ARHGEF3: variants seen among roughly 807,000 people sequenced by gnomAD.
ARHGEF3 encodes Rho guanine nucleotide exchange factor 3, also known as 59.8 kDA protein.
In ARHGEF3, 28 loss-of-function variants were observed where a neutral mutation model predicts 63.2. The ratio of observed to expected loss-of-function variants is 0.44; its 90% CI spans 0.33 to 0.61. The LOEUF (loss-of-function observed/expected upper bound fraction) is 0.61, where lower values mean the gene tolerates loss of function less well. Ranked by LOEUF, ARHGEF3 falls within the 20% of genes least tolerant of loss-of-function variation. The probability of loss-of-function intolerance (pLI) is 0.03; values close to 1 mark genes in which losing one functional copy is unlikely to be tolerated. For missense variants in ARHGEF3, 533 were observed against 659.3 expected, an observed-to-expected ratio of 0.81 and a Z score of 2.10; for synonymous variants, 266 against 254.2, an observed-to-expected ratio of 1.05 and a Z score of -0.44.
At chr3:56,899,259 G>T (rs1055348317) in intron 3 of ARHGEF3, among the ~76,000 whole-genome samples, 3 of 152,236 alleles carry the variant, frequency 2.0e-5, no homozygotes, top group Non-Finnish European at 2.9e-5. Flanking sequence ...GGCATCTGAA[G>T]TGGCCTCGGC....
At chr3:56,890,264 A>G (rs1335441861) in intron 3 of ARHGEF3, among the ~76,000 whole-genome samples, 2 of 152,110 alleles carry the variant, frequency 1.3e-5, no homozygotes, top group Non-Finnish European at 1.5e-5. Flanking sequence ...CACTCAACAA[A>G]TATTTACTGA....
At chr3:56,934,637 C>G (rs1396878815) in intron 3 of ARHGEF3, among the ~76,000 whole-genome samples, 1 of 152,216 alleles carries the variant, frequency 6.6e-6, no homozygotes, top group Non-Finnish European at 1.5e-5. Flanking sequence ...TGTACTGGGT[C>G]CCCCAGCAGT....
At chr3:56,851,985 G>C (rs1462845552) in intron 4 of ARHGEF3, among the ~76,000 whole-genome samples, 1 of 152,228 alleles carries the variant, frequency 6.6e-6, no homozygotes, top group Non-Finnish European at 1.5e-5. Flanking sequence ...GTAAGAAAAT[G>C]TCAGTGGTTA....
chr3:56,867,850 C>G (rs2040305904), intron 4 of ARHGEF3, among the ~76,000 whole-genome samples: 1 of 152,060 alleles, frequency 6.6e-6, no homozygotes, highest in African/African-American at 2.4e-5. Flanking sequence ...TGAGGAAGAC[C>G]AGGTTGGAGG....
At chr3:56,982,495 G>A (rs1701363444) in intron 2 of ARHGEF3, among the ~76,000 whole-genome samples, 1 of 152,034 alleles carries the variant, frequency 6.6e-6, no homozygotes, top group Non-Finnish European at 1.5e-5. Context: ...GGAAACTGTG[G>A]CCCTCTCCAG....
upstream of ARHGEF3, chr3:56,802,012 G>T (rs1578555585): frequency 1.4e-6 from 2 of 1,441,276 alleles, no homozygotes; most frequent in East Asian, 5.3e-5. Flanking sequence ...GGAGGGGGCG[G>T]GCCGCCGGCT....
rs2034983500 is a variant in ARHGEF3 at position 56,755,047 on chromosome 3, C to T, written c.309G>A (p.Leu103=). The T allele has an allele frequency of 1.9e-6, 3 of 1,614,176 alleles. No individual in the cohort carries two copies. The East Asian group carries it at 6.7e-5, about 36-fold the overall frequency. The change falls in exon 3 of 10, where the codon CTG becomes CTA. Residue 103 remains leucine (L), a synonymous_variant. Transcript: ENST00000296315. ...PSSTKRRDSK[L]WSETFDVCVN... is the part of the protein sequence containing the mutation. ...CGCACACATCGAAGGTCTCACTCCA[C>T]AGCTTGCTATCTCTCCGTTTCGTGC... is the stretch of plus-strand genomic sequence containing the variant.
chr3:57,046,636 C>A (rs139470654), intron 1 of ARHGEF3, among the ~76,000 whole-genome samples: 1 of 152,182 alleles, frequency 6.6e-6, no homozygotes, highest in African/African-American at 2.4e-5. Context: ...GAACACAACT[C>A]GGTTCTCCTA....
At chr3:56,911,988 T>C (rs139195273) in intron 3 of ARHGEF3, among the ~76,000 whole-genome samples, 2 of 151,668 alleles carry the variant, frequency 1.3e-5, no homozygotes, top group East Asian at 3.9e-4. Context: ...TACACACATA[T>C]ATATATACAT....
At chr3:56,784,552 C>A (rs921747560) in intron 1 of ARHGEF3, among the ~76,000 whole-genome samples, 2 of 152,144 alleles carry the variant, frequency 1.3e-5, no homozygotes, top group African/African-American at 4.8e-5. Context: ...TTCTTGGAAA[C>A]CTTTGGGTGG....
chr3:56,794,418 G>A (rs1328151534), intron 1 of ARHGEF3, among the ~76,000 whole-genome samples: 1 of 149,728 alleles, frequency 6.7e-6, no homozygotes, highest in Non-Finnish European at 1.5e-5. Flanking sequence ...AACCCGGGAG[G>A]CAGAGGTTGC....
intron 2 of ARHGEF3, among the ~76,000 whole-genome samples, chr3:57,006,503 C>G (rs572327961): frequency 9.9e-5 from 15 of 152,198 alleles, no homozygotes; most frequent in Admixed American, 7.9e-4. Context: ...AGGAAAACAG[C>G]TCCCCAGAGC....
At chr3:56,868,079 G>A (rs528430504) in intron 4 of ARHGEF3, among the ~76,000 whole-genome samples, 5 of 151,984 alleles carry the variant, frequency 3.3e-5, no homozygotes, top group South Asian at 2.1e-4. Context: ...AAACAACCTC[G>A]TTCTCCCTAA....
chr3:56,985,972 T>A (rs34155286), intron 2 of ARHGEF3, among the ~76,000 whole-genome samples: 22,089 of 152,156 alleles, frequency 0.15, 1,992 homozygotes, highest in Non-Finnish European at 0.2. Flanking sequence ...GAAGGCCCTG[T>A]TCAAAGACTC....
intron 2 of ARHGEF3, among the ~76,000 whole-genome samples, chr3:57,002,801 G>A (rs918288620): frequency 1.4e-5 from 2 of 144,462 alleles, no homozygotes; most frequent in African/African-American, 2.6e-5. Context: ...TTGAGACAGA[G>A]TCTTGCTCTG....
chr3:57,068,077 G>T (rs945536896), intron 1 of ARHGEF3, among the ~76,000 whole-genome samples: 1 of 152,066 alleles, frequency 6.6e-6, no homozygotes, highest in Non-Finnish European at 1.5e-5. Flanking sequence ...GGAGGCCAAG[G>T]CAAGAGGATC....
At chr3:56,825,478 G>C (rs565983730) in intron 4 of ARHGEF3, among the ~76,000 whole-genome samples, 6 of 152,296 alleles carry the variant, frequency 3.9e-5, no homozygotes, top group African/African-American at 1.4e-4. Flanking sequence ...TTTGGTATTT[G>C]ACAAATGCCA....
At chr3:57,047,601 T>A (rs1381089661) in intron 1 of ARHGEF3, among the ~76,000 whole-genome samples, 1 of 152,102 alleles carries the variant, frequency 6.6e-6, no homozygotes, top group African/African-American at 2.4e-5. Flanking sequence ...CACAGTGCCA[T>A]GCAAAGGTCA....
chr3:56,754,456 C>T (rs1262535272), intron 3 of ARHGEF3, among the ~76,000 whole-genome samples: 1 of 152,160 alleles, frequency 6.6e-6, no homozygotes, highest in East Asian at 1.9e-4. Flanking sequence ...GCTGGATACT[C>T]CAAGGATCTC....
Sources: allele counts gnomAD v4.1 joint callset (sites outside exome capture counted in the v4.1 genomes callset), GRCh38; gene constraint gnomAD v4.1.1; transcripts MANE v1.5; gene names NCBI Gene and HGNC (gene_info 2026-07-23, HGNC 2026-07-21).